Variants in TREM2 observed in about 807,000 individuals in gnomAD.
TREM2 encodes the protein triggering receptor expressed on myeloid cells 2, also known as triggering receptor expressed on monocytes 2.
Under a neutral mutation model 22.9 loss-of-function variants are expected in TREM2, and 20 were observed. The observed-to-expected ratio is 0.87, with a 90% confidence interval of 0.61 to 1.27. The LOEUF (loss-of-function observed/expected upper bound fraction) is 1.27. Among genes scored for constraint, TREM2 ranks in the 50% most tolerant of loss-of-function variants. TREM2 has a pLI of 0.00. For synonymous variants in TREM2, 111 were observed against 120.9 expected, an observed-to-expected ratio of 0.92 and a Z score of 0.54; for missense variants, 267 against 289.0, an observed-to-expected ratio of 0.92 and a Z score of 0.55.
chr6:41,163,034 G>A lies in TREM2; in HGVS notation c.40+9C>T, dbSNP rs1582081645. On this transcript the variant is annotated intron_variant, in intron 1 of 4. Coordinates refer to ENST00000373113, the MANE Select transcript of TREM2 (RefSeq NM_018965.4). Reference sequence around the variant, plus strand: ...GAGAAGGCATCACAGGGCACGGAGGGGATCCTACCTGTGACAAAGAGTAAG... The same window carrying A: ...GAGAAGGCATCACAGGGCACGGAGGAGATCCTACCTGTGACAAAGAGTAAG... 6.2e-7 allele frequency: 1 copy of A among 1,614,140 alleles called. No individual in the cohort carries two copies. The highest frequency in any genetic ancestry group is 2.2e-5 in the East Asian group (1 of 44,876).
intron 3 of TREM2, 66 bp downstream of exon 3, chr6:41,159,726 C>G (rs1430152364): frequency 6.8e-7 from 1 of 1,472,872 alleles, no homozygotes; most frequent in African/African-American, 1.4e-5. Flanking sequence ...GCCCAGCCCC[C>G]ACCCCCGTGG....
In TREM2 at chr6:41,158,595, C is replaced by T. The variant is rs541066478; in HGVS notation, c.*169G>A. ...GTTGTCAGGTGTTCTTACCACCTCC[C>T]CACTCCCTCAACCAGTCCCTGCTTC... is the stretch of plus-strand genomic sequence containing the variant. On this transcript the variant is annotated 3_prime_UTR_variant, in exon 5 of 5. Transcript: ENST00000373113. 156 of 1,558,696 alleles carry T rather than the reference C, an allele frequency of 1.0e-4. No homozygotes were observed. The African/African-American group carries it at 1.5e-3, about 15-fold the overall frequency.
intron 2 of TREM2, among the ~76,000 whole-genome samples, chr6:41,160,110 G>C (rs532907021): frequency 6.6e-6 from 1 of 152,154 alleles, no homozygotes; most frequent in Non-Finnish European, 1.5e-5. Context: ...CCTCTGTGCC[G>C]TATCCAGCAC....
Position 41,159,042 on chromosome 6 carries a change from G to C in TREM2, c.507C>G (p.Pro169=), listed in dbSNP as rs769493472. Reference sequence around the variant, plus strand: ...GGAGAAGGATGGAAGTGGGTGGGAAGGGGATTTCTCCTTCCAAGAGGCTCC... The same window carrying C: ...GGAGAAGGATGGAAGTGGGTGGGAACGGGATTTCTCCTTCCAAGAGGCTCC... ...ISRSLLEGEI[P]FPPTSILLLL... The change falls in exon 4 of 5, where the codon CCC becomes CCG. Residue 169 remains proline (P), a synonymous_variant. Coordinates refer to ENST00000373113, the MANE Select transcript of TREM2 (RefSeq NM_018965.4). 3 of 1,613,744 alleles carry C rather than the reference G, an allele frequency of 1.9e-6. No individual in the cohort carries two copies. The highest frequency in any genetic ancestry group is 2.7e-5 in the African/African-American group (2 of 74,922).
chr6:41,161,740 C>T (rs1765573361), intron 1 of TREM2, 127 bp from the exon 2 acceptor site: 12 of 805,160 alleles, frequency 1.5e-5, no homozygotes, highest in East Asian at 5.3e-5. Flanking sequence ...AAGTTGGGAG[C>T]GGATGGCACA....
Position 41,159,839 on chromosome 6 carries a change from C to A in TREM2, c.435G>T (p.Gly145=), listed in dbSNP as rs756126666. The A allele has an allele frequency of 6.2e-7, 1 of 1,614,080 alleles. No homozygotes were observed. Among genetic ancestry groups the A allele is most frequent in the Non-Finnish European group, 8.5e-7 (1 of 1,180,006 alleles). Residue 145 remains glycine (G), a synonymous_variant, in exon 3 of 5, where the codon GGG becomes GGT. Coordinates refer to ENST00000373113, the MANE Select transcript of TREM2 (RefSeq NM_018965.4). ...HRDAGDLWFP[G]ESESFEDAHV... Reference sequence around the variant, plus strand: ...GGGCATCCTCGAAGCTCTCAGACTCCCCGGGGAACCAGAGATCTCCAGCAT... The same window carrying A: ...GGGCATCCTCGAAGCTCTCAGACTCACCGGGGAACCAGAGATCTCCAGCAT...
chr6:41,158,662 G>A lies in TREM2; in HGVS notation c.*102C>T, dbSNP rs758041103. 8.1e-6 allele frequency: 13 copies of A among 1,609,924 alleles called. No individual in the cohort carries two copies. The highest frequency in any genetic ancestry group is 1.1e-5 in the Non-Finnish European group (13 of 1,178,032). On this transcript the variant is annotated 3_prime_UTR_variant, in exon 5 of 5. Transcript: ENST00000373113. ...CAGTGTTCAGGCAGAGTAGTCTCTT[G>A]CCAGAGCAGAACAAGGAGTCCTGGT... is the stretch of plus-strand genomic sequence containing the variant.
chr6:41,162,894 T>G, intron 1 of TREM2, 149 bp downstream of exon 1: 1 of 962,368 alleles, frequency 1.0e-6, no homozygotes. Context: ...ATGGGCAGGG[T>G]GGGGAGGAGA....
intron 3 of TREM2, 60 bp downstream of exon 3, chr6:41,159,732 C>T (rs1014380328): frequency 3.3e-5 from 49 of 1,507,038 alleles, no homozygotes; most frequent in Non-Finnish European, 3.9e-5. Context: ...CCCCCACCCC[C>T]GTGGGGCTCT....
At chr6:41,159,481 AT>A (rs1383939440) in intron 3 of TREM2, among the ~76,000 whole-genome samples, 2 of 152,044 alleles carry the variant, frequency 1.3e-5, no homozygotes, top group South Asian at 2.1e-4. Flanking sequence ...TAAAACATTC[AT>A]TGTTGCTGAA....
At position 41,158,797 on chromosome 6, in the gene TREM2, A is replaced by G; in HGVS notation, c.677-17T>C. 6.2e-7 allele frequency: 1 copy of G among 1,613,870 alleles called. No homozygotes were observed. Among genetic ancestry groups the G allele is most frequent in the Non-Finnish European group, 8.5e-7 (1 of 1,179,960 alleles). On this transcript the variant is annotated splice_polypyrimidine_tract_variant and intron_variant, in intron 4 of 4. Transcript: ENST00000373113. ...CTCTCAGCCCTGCAATAGTCCAAGG[A>G]CTCATGTGGCCCCTCTCGGCACCGC... is the stretch of plus-strand genomic sequence containing the variant.
chr6:41,162,924 T>C, intron 1 of TREM2, 119 bp downstream of exon 1: 1 of 1,334,494 alleles, frequency 7.5e-7, no homozygotes, highest in Non-Finnish European at 1.1e-6. Flanking sequence ...AACAGGGCAC[T>C]CAGGCATGCG....
In TREM2 at chr6:41,163,069, C is replaced by T. The variant is rs146485698; in HGVS notation, c.14G>A (p.Arg5Gln). MEPL[R>Q]LLILLFVTEL... is the part of the protein sequence containing the mutation. The stretch of plus-strand genomic sequence containing the variant: ...TGTGACAAAGAGTAAGATGAGCAGC[C>T]GGAGAGGCTCCATGCCACCCTTCCC... Residue 5 changes from arginine (R) to glutamine (Q), a missense_variant, in exon 1 of 5, where the codon CGG (arginine) becomes CAG (glutamine). Transcript: ENST00000373113. 44 of 1,614,134 alleles carry T rather than the reference C, an allele frequency of 2.7e-5. No individual in the cohort carries two copies. In the African/African-American group the frequency reaches 3.9e-4, roughly 14 times the overall value.
chr6:41,161,214 T>C lies in TREM2; in HGVS notation c.391+49A>G. 1.9e-6 allele frequency: 3 copies of C among 1,570,782 alleles called. No individual in the cohort carries two copies. In the Middle Eastern group the frequency reaches 5.9e-4, roughly 308 times the overall value. On this transcript the variant is annotated intron_variant, in intron 2 of 4. Coordinates refer to ENST00000373113, the MANE Select transcript of TREM2 (RefSeq NM_018965.4). ...GTTCTGCACACAGACGCCCAAAACATGAGGCCTGGAACAGGGGCAGGCCAG... is the reference window on the plus strand; with the variant it reads ...GTTCTGCACACAGACGCCCAAAACACGAGGCCTGGAACAGGGGCAGGCCAG...
chr6:41,161,340 GC>G lies in TREM2; in HGVS notation c.313del (p.Ala105ArgfsTer84), dbSNP rs386834141. The G allele has an allele frequency of 8.7e-6, 14 of 1,614,216 alleles. No homozygotes were observed. Among genetic ancestry groups the G allele is most frequent in the Non-Finnish European group, 1.1e-5 (13 of 1,180,034 alleles). On this transcript the variant is annotated frameshift_variant, in exon 2 of 5. Coordinates refer to ENST00000373113, the MANE Select transcript of TREM2 (RefSeq NM_018965.4). LOFTEE classifies it high-confidence loss of function. ...GAGGCTCTGGCACTGGTAGAGACCCGCATCATGGGGTTGTAGATTCCGCAGC... is the reference window on the plus strand; with the variant it reads ...GAGGCTCTGGCACTGGTAGAGACCCGATCATGGGGTTGTAGATTCCGCAGC... ...ITLRNLQPHD[A>X]GLYQCQSLHG...
chr6:41,158,826 C>T (rs1309903009), intron 4 of TREM2, 46 bp from the exon 5 acceptor site: 3 of 1,614,206 alleles, frequency 1.9e-6, no homozygotes. Context: ...GCACCGCCTC[C>T]CATCCCTGCC....
At position 41,159,539 on chromosome 6, in the gene TREM2, T is replaced by C. The variant is rs141720006; in HGVS notation, c.482+253A>G. Among the ~76,000 whole-genome samples, 246 of 152,246 alleles carry C rather than the reference T, an allele frequency of 1.6e-3. 1 individual carries two copies. Among genetic ancestry groups the C allele is most frequent in the East Asian group, 4.2e-3 (22 of 5,180 alleles). On this transcript the variant is annotated intron_variant, in intron 3 of 4. Transcript: ENST00000373113. ...GCCAGGGGAGGGGCGGGAGCTGATA[T>C]TCAGGAGTCGTAGAGCAACTGCTCT...
At chr6:41,159,294 C>T (rs1765498443) in intron 3 of TREM2, among the ~76,000 whole-genome samples, 1 of 152,160 alleles carries the variant, frequency 6.6e-6, no homozygotes, top group South Asian at 2.1e-4. Flanking sequence ...CACCACCTTC[C>T]CTCACTGAGC....
chr6:41,159,662 GA>G, intron 3 of TREM2, 129 bp downstream of exon 3: 1 of 773,166 alleles, frequency 1.3e-6, no homozygotes, highest in Non-Finnish European at 2.3e-6. Context: ...GTTTACATAA[GA>G]GATATCCAGG....
Sources: gnomAD v4.1 joint callset for allele counts (sites outside exome capture counted in the v4.1 genomes callset) on GRCh38, gnomAD v4.1.1 for gene constraint, MANE v1.5 for transcripts, NCBI Gene and HGNC (gene_info 2026-07-23, HGNC 2026-07-21) for gene names.